MSRB3: variants seen among roughly 807,000 people sequenced by gnomAD.
MSRB3 encodes methionine-R-sulfoxide reductase B3.
In MSRB3, 13 loss-of-function variants were observed where a neutral mutation model predicts 21.0. That is an observed-to-expected ratio of 0.62 (90% confidence interval 0.40 to 0.98). MSRB3 has a LOEUF of 0.98. MSRB3 is among the 50% of genes least tolerant of loss of function. The pLI, the probability that MSRB3 is intolerant of heterozygous loss-of-function variation, is 0.00. For synonymous variants in MSRB3, 87 were observed against 88.6 expected, an observed-to-expected ratio of 0.98 and a Z score of 0.10; for missense variants, 199 against 230.3, an observed-to-expected ratio of 0.86 and a Z score of 0.88.
At chr12:65,381,389 T>C (rs1399763538) in intron 5 of MSRB3, among the ~76,000 whole-genome samples, 1 of 152,272 alleles carries the variant, frequency 6.6e-6, no homozygotes. Context: ...AATTGAGATA[T>C]CTTGCTCATT....
intron 5 of MSRB3, among the ~76,000 whole-genome samples, chr12:65,434,855 A>T (rs537612472): frequency 1.8e-4 from 27 of 152,062 alleles, no homozygotes; most frequent in Admixed American, 5.9e-4. Context: ...AAAATCACAG[A>T]TGAGTAAATC....
intron 1 of MSRB3, among the ~76,000 whole-genome samples, chr12:65,279,786 G>A (rs1871903312): frequency 6.6e-6 from 1 of 152,178 alleles, no homozygotes; most frequent in South Asian, 2.1e-4. Flanking sequence ...AAGTACAAAG[G>A]TAGGGATAAA....
chr12:65,342,039 A>G (rs1876177534), intron 4 of MSRB3, among the ~76,000 whole-genome samples: 1 of 152,028 alleles, frequency 6.6e-6, no homozygotes. Context: ...CTACTACAAT[A>G]CAAGTTCTAG....
intron 5 of MSRB3, among the ~76,000 whole-genome samples, chr12:65,430,733 A>G (rs372658064): frequency 6.6e-6 from 1 of 152,054 alleles, no homozygotes; most frequent in Admixed American, 6.6e-5. Context: ...TTCAAATTGT[A>G]TTAAATTTGA....
chr12:65,457,752 G>GAA (rs1268664950), intron 6 of MSRB3, among the ~76,000 whole-genome samples: 1 of 141,542 alleles, frequency 7.1e-6, no homozygotes, highest in African/African-American at 2.5e-5. Flanking sequence ...AAATTTACAA[G>GAA]AAAAAAAAAA....
At chr12:65,448,565 G>A (rs896512468) in intron 5 of MSRB3, among the ~76,000 whole-genome samples, 4 of 152,170 alleles carry the variant, frequency 2.6e-5, no homozygotes, top group Non-Finnish European at 4.4e-5. Flanking sequence ...TTCTATGTCT[G>A]TGGAAATCTT....
At chr12:65,403,934 C>G (rs1047061544) in intron 5 of MSRB3, among the ~76,000 whole-genome samples, 1 of 152,184 alleles carries the variant, frequency 6.6e-6, no homozygotes, top group African/African-American at 2.4e-5. Context: ...ATGGGCTGCA[C>G]CCACTGTCTA....
chr12:65,352,045 A>G lies in MSRB3; in HGVS notation c.264-16953A>G, dbSNP rs1592554309. On this transcript the variant is annotated intron_variant, in intron 4 of 6. Coordinates refer to ENST00000308259, the MANE Select transcript of MSRB3 (RefSeq NM_001031679.3). ...TTTTAGACCAATATCCTTGATGAACATTGATGCAAAAATCCTCAATAAAAT... is the reference window on the plus strand; with the variant it reads ...TTTTAGACCAATATCCTTGATGAACGTTGATGCAAAAATCCTCAATAAAAT... Among the ~76,000 whole-genome samples, 17 of 152,174 alleles carry G rather than the reference A, an allele frequency of 1.1e-4. No homozygotes were observed. In the South Asian group the frequency reaches 3.5e-3, roughly 32 times the overall value.
intron 4 of MSRB3, among the ~76,000 whole-genome samples, chr12:65,361,476 G>A (rs1198488639): frequency 6.6e-6 from 1 of 152,144 alleles, no homozygotes; most frequent in East Asian, 1.9e-4. Flanking sequence ...CCTACACAGA[G>A]CCTGCTTCCT....
chr12:65,409,959 C>T (rs1003834424), intron 5 of MSRB3, among the ~76,000 whole-genome samples: 10 of 152,076 alleles, frequency 6.6e-5, no homozygotes, highest in Non-Finnish European at 1.3e-4. Flanking sequence ...GATTTAACTT[C>T]CATCTGGATT....
intron 4 of MSRB3, among the ~76,000 whole-genome samples, chr12:65,351,669 A>G: frequency 6.7e-6 from 1 of 149,278 alleles, no homozygotes; most frequent in African/African-American, 2.6e-5. Context: ...CTACCATCAG[A>G]GAATACTACA....
At chr12:65,289,933 C>A (rs1424996767) in intron 1 of MSRB3, among the ~76,000 whole-genome samples, 4 of 152,176 alleles carry the variant, frequency 2.6e-5, no homozygotes, top group Non-Finnish European at 5.9e-5. Context: ...TTATCCCCCA[C>A]AAAATTATGT....
At chr12:65,285,227 C>A (rs527238952) in intron 1 of MSRB3, 89 of 152,176 alleles carry the variant, frequency 5.8e-4, no homozygotes, top group African/African-American at 1.9e-3. Context: ...TACAGAATTC[C>A]TTGCTTGCCT....
At position 65,281,003 on chromosome 12, in the gene MSRB3, G is replaced by T. The variant is rs113011072; in HGVS notation, c.-52+2138G>T. On this transcript the variant is annotated intron_variant, in intron 1 of 6. Coordinates refer to ENST00000308259, the MANE Select transcript of MSRB3 (RefSeq NM_001031679.3). ...ACACTTTGGGAGGCCAGTGTGGGAG[G>T]ATTGCTTGAACCCAGGAGTTCGAGA... is the stretch of plus-strand genomic sequence containing the variant. Among the ~76,000 whole-genome samples the T allele has an allele frequency of 6.0e-3, 915 of 152,244 alleles. 7 individuals are homozygous for T. The highest frequency in any genetic ancestry group is 0.021 in the African/African-American group (872 of 41,544).
chr12:65,396,969 C>G lies in MSRB3; in HGVS notation c.292+27943C>G, dbSNP rs1334588635. ...TTCTAATAGAGGGGTGTTGAAGTCT[C>G]TAACTATAATAATGGATTTGTCTGT... On this transcript the variant is annotated intron_variant, in intron 5 of 6. Transcript: ENST00000308259. Among the ~76,000 whole-genome samples, 19 of 152,164 alleles carry G rather than the reference C, an allele frequency of 1.2e-4. 1 individual carries two copies. The highest frequency in any genetic ancestry group is 1.2e-3 in the Admixed American group (19 of 15,282).
chr12:65,445,806 C>T (rs1019812570), intron 5 of MSRB3, among the ~76,000 whole-genome samples: 9 of 151,810 alleles, frequency 5.9e-5, no homozygotes, highest in Admixed American at 2.6e-4. Flanking sequence ...CCACCATGCC[C>T]GGCTAATTTC....
intron 4 of MSRB3, among the ~76,000 whole-genome samples, chr12:65,352,418 C>T (rs1877073181): frequency 6.7e-6 from 1 of 149,492 alleles, no homozygotes; most frequent in Non-Finnish European, 1.5e-5. Context: ...CAGGGATGCC[C>T]TCTCTCACCA....
intron 1 of MSRB3, among the ~76,000 whole-genome samples, chr12:65,293,617 T>TATTCTTAGTTTAAATGTTACTTC (rs1872781879): frequency 6.6e-6 from 1 of 152,216 alleles, no homozygotes; most frequent in Admixed American, 6.5e-5. Context: ...AGGAAGGCTT[T>TATTCTTAGTTTAAATGTTACTTC]CTCATGCCCC....
chr12:65,402,484 T>TA (rs1880184970), intron 5 of MSRB3, among the ~76,000 whole-genome samples: 1 of 152,216 alleles, frequency 6.6e-6, no homozygotes, highest in Non-Finnish European at 1.5e-5. Flanking sequence ...TGTTCTTCTC[T>TA]AAACTGGTTA....
Sources: gnomAD v4.1 joint callset for allele counts (sites outside exome capture counted in the v4.1 genomes callset) on GRCh38, gnomAD v4.1.1 for gene constraint, MANE v1.5 for transcripts, NCBI Gene and HGNC (gene_info 2026-07-23, HGNC 2026-07-21) for gene names.